WNK1: variants seen among roughly 807,000 people sequenced by gnomAD.
The protein encoded by WNK1 is serine/threonine-protein kinase WNK1.
WNK1 carries 38 observed loss-of-function variants against 222.8 expected under a neutral mutation model. The ratio of observed to expected loss-of-function variants is 0.17; its 90% CI spans 0.13 to 0.22. WNK1 has a LOEUF of 0.22. Among genes scored for constraint, WNK1 ranks in the 10% least tolerant of loss-of-function variants. WNK1 has a pLI of 1.00. For synonymous variants in WNK1, 1,090 were observed against 1,092.9 expected, an observed-to-expected ratio of 1.00 and a Z score of 0.05; for missense variants, 2,348 against 2,918.4, an observed-to-expected ratio of 0.80 and a Z score of 4.50.
chr12:902,310 AGAAAC>A (rs1272498592), intron 26 of WNK1, among the ~76,000 whole-genome samples: 3 of 152,170 alleles, frequency 2.0e-5, no homozygotes, highest in East Asian at 3.8e-4. Context: ...CTCAAAAAAA[AGAAAC>A]GAAATGAAGA....
At chr12:862,865 G>A (rs758230143) in intron 8 of WNK1, among the ~76,000 whole-genome samples, 1 of 152,016 alleles carries the variant, frequency 6.6e-6, no homozygotes, top group Non-Finnish European at 1.5e-5. Context: ...CCTTTAGTTG[G>A]TAACTGTTTT....
intron 26 of WNK1, chr12:906,379 A>G (rs1565620905): frequency 2.0e-6 from 2 of 985,292 alleles, no homozygotes; most frequent in South Asian, 9.4e-5. Context: ...ATCAAACCGC[A>G]GAAATAGAGT....
chr12:841,287 C>G (rs1257337931), intron 4 of WNK1, among the ~76,000 whole-genome samples: 2 of 152,130 alleles, frequency 1.3e-5, no homozygotes, highest in Non-Finnish European at 2.9e-5. Context: ...CATCCCCTAG[C>G]GACCACTAAT....
rs1952811183 is a variant in WNK1, at chr12:878,351, C to T, written c.2363C>T (p.Ala788Val). 6.2e-7 allele frequency: 1 copy of T among 1,607,014 alleles called. No individual in the cohort carries two copies. The highest frequency in any genetic ancestry group is 1.4e-5 in the African/African-American group (1 of 73,264). The stretch of plus-strand genomic sequence containing the variant: ...CCACAAGTCTTGCCTCAAGTATCAG[C>T]TGGAAAACAGGTAAACTTTTTTTTT... ...QAPQVLPQVSAGKQLPVSQPV... is the reference protein window; with the variant it reads ...QAPQVLPQVSVGKQLPVSQPV... Residue 788 changes from alanine (A) to valine (V), a missense_variant, in exon 10 of 28, where the codon GCT becomes GTT. By Grantham distance (64) the Ala-to-Val change is moderately conservative. Transcript: ENST00000315939.
intron 4 of WNK1, among the ~76,000 whole-genome samples, chr12:839,171 A>G (rs1208984654): frequency 2.6e-5 from 4 of 152,170 alleles, no homozygotes; most frequent in Admixed American, 1.3e-4. Flanking sequence ...AAAGACTAAG[A>G]TAGTGTTATA....
intron 4 of WNK1, among the ~76,000 whole-genome samples, chr12:831,202 A>C (rs1565490401): frequency 6.6e-6 from 1 of 152,170 alleles, no homozygotes; most frequent in Non-Finnish European, 1.5e-5. Flanking sequence ...GATACTGCAC[A>C]TATGATATTG....
intron 26 of WNK1, among the ~76,000 whole-genome samples, chr12:907,125 C>G (rs896865483): frequency 2.7e-5 from 4 of 150,654 alleles, no homozygotes; most frequent in Non-Finnish European, 4.4e-5. Context: ...TTCTTGAGAC[C>G]AGCCTGGCCA....
rs558422344 is a variant in WNK1, at chr12:856,576, T to A, written c.1312-585T>A. Reference sequence around the variant, plus strand: ...GTAATGAGTTTTCTTCTGAGATTAATTGCAGAGCTTGTCTTTCGTATGGGT... The same window carrying A: ...GTAATGAGTTTTCTTCTGAGATTAAATGCAGAGCTTGTCTTTCGTATGGGT... On this transcript the variant is annotated intron_variant, in intron 4 of 27. Transcript: ENST00000315939. Among the ~76,000 whole-genome samples the A allele has an allele frequency of 3.6e-4, 55 of 152,352 alleles. 1 individual carries two copies. In the South Asian group the frequency reaches 0.01, roughly 29 times the overall value.
At chr12:856,833 T>C (rs1387116190) in intron 4 of WNK1, among the ~76,000 whole-genome samples, 2 of 152,260 alleles carry the variant, frequency 1.3e-5, no homozygotes, top group African/African-American at 4.8e-5. Context: ...GAACAAAAGA[T>C]CTTCTAACCA....
chr12:771,006 T>G (rs1427899820), intron 1 of WNK1, among the ~76,000 whole-genome samples: 1 of 152,204 alleles, frequency 6.6e-6, no homozygotes, highest in Non-Finnish European at 1.5e-5. Context: ...TATTTTCTTT[T>G]TTTTTGGAGA....
intron 9 of WNK1, among the ~76,000 whole-genome samples, chr12:874,045 A>G (rs1185391090): frequency 6.6e-6 from 1 of 151,880 alleles, no homozygotes; most frequent in Non-Finnish European, 1.5e-5. Context: ...AGTGCCAGCT[A>G]CTTGGAAGGC....
In WNK1 at chr12:909,434, G is replaced by A. The variant is rs886048810; in HGVS notation, c.*642G>A. The A allele has an allele frequency of 3.9e-5, 6 of 152,174 alleles. No homozygotes were observed. Among genetic ancestry groups the A allele is most frequent in the Non-Finnish European group, 8.8e-5 (6 of 68,174 alleles). The allele number at this position is 152,174 out of a possible 1,614,324, so 9.4% of individuals were successfully genotyped here. On this transcript the variant is annotated 3_prime_UTR_variant, in exon 28 of 28. Coordinates refer to ENST00000315939, the MANE Select transcript of WNK1 (RefSeq NM_018979.4). ...AAAAAAAAAAAATTAAGTTCCCTGC[G>A]GACATGTAACTTTGCCATCAGTTTT...
chr12:884,160 C>T lies in WNK1; in HGVS notation c.3761C>T (p.Ala1254Val), dbSNP rs2154083525. The change falls in exon 18 of 28, where the codon GCG (alanine) becomes GTG (valine). Residue 1254 changes from alanine to valine, a missense_variant. Ala to Val is a moderately conservative substitution (Grantham distance 64, BLOSUM62 0). This residue lies in a region of WNK1 where 1,144 missense variants were observed against 1,273.6 expected (regional missense o/e 0.90). Coordinates refer to ENST00000315939, the MANE Select transcript of WNK1 (RefSeq NM_018979.4). This position sits in a 1 kb window ranked among gnomAD's most constrained non-coding sequence, Gnocchi z 5.6. Reference protein sequence around the residue: ...TSSLTQVVHSAGRRFIVSPVP... With the variant: ...TSSLTQVVHSVGRRFIVSPVP... ...TCTTTAACTCAAGTTGTTCATTCTG[C>T]GGGAAGGCGGTTTATAGTGAGTCCT... The T allele has an allele frequency of 6.2e-7, 1 of 1,614,086 alleles. No homozygotes were observed. Among genetic ancestry groups the T allele is most frequent in the Non-Finnish European group, 8.5e-7 (1 of 1,180,010 alleles).
intron 4 of WNK1, among the ~76,000 whole-genome samples, chr12:853,720 A>G (rs1356487928): frequency 6.6e-6 from 1 of 152,228 alleles, no homozygotes; most frequent in Admixed American, 6.5e-5. Context: ...TAGGCTACAT[A>G]CATTCCCTTG....
chr12:794,330 A>G (rs1320216505), intron 1 of WNK1, among the ~76,000 whole-genome samples: 2 of 152,158 alleles, frequency 1.3e-5, no homozygotes, highest in African/African-American at 4.8e-5. Context: ...AAGGAACTGC[A>G]AACCTGTTTT....
intron 4 of WNK1, chr12:851,651 C>T (rs1443257371): frequency 7.7e-7 from 1 of 1,293,126 alleles, no homozygotes; most frequent in Admixed American, 2.3e-5. Flanking sequence ...GACATTTTTT[C>T]CTTCATTTTC....
intron 1 of WNK1, among the ~76,000 whole-genome samples, chr12:772,573 T>C (rs973626501): frequency 8.5e-5 from 13 of 152,128 alleles, no homozygotes; most frequent in African/African-American, 2.9e-4. Flanking sequence ...ATTTACCTTA[T>C]AGAAAAACCA....
chr12:836,187 A>G (rs954770360), intron 4 of WNK1, among the ~76,000 whole-genome samples: 6 of 152,198 alleles, frequency 3.9e-5, no homozygotes, highest in African/African-American at 1.4e-4. Context: ...CTGAGGGGAA[A>G]AATAACAAAA....
Position 880,817 on chromosome 12 carries a change from T to A in WNK1, c.2929T>A (p.Ser977Thr). 6.2e-7 allele frequency: 1 copy of A among 1,613,974 alleles called. No individual in the cohort carries two copies. Among genetic ancestry groups the A allele is most frequent in the Non-Finnish European group, 8.5e-7 (1 of 1,179,988 alleles). Residue 977 changes from serine to threonine, a missense_variant, in exon 12 of 28, where the codon TCC (serine) becomes ACC (threonine). This residue lies in a region of WNK1 where 547 missense variants were observed against 558.3 expected (regional missense o/e 0.98). Coordinates refer to ENST00000315939, the MANE Select transcript of WNK1 (RefSeq NM_018979.4). Reference sequence around the variant, plus strand: ...TGTTTGCATCCATTCTACAGTCCTATCCCCTCCCATGCCGACAGAAGTACT... The same window carrying A: ...TGTTTGCATCCATTCTACAGTCCTAACCCCTCCCATGCCGACAGAAGTACT... ...ASVCIHSTVL[S>T]PPMPTEVLAT...
Sources: allele counts gnomAD v4.1 joint callset (sites outside exome capture counted in the v4.1 genomes callset), GRCh38; gene constraint gnomAD v4.1.1; regional missense constraint gnomAD v4.1.1; non-coding constraint Gnocchi (gnomAD v3.1); transcripts MANE v1.5; gene names NCBI Gene and HGNC (gene_info 2026-07-23, HGNC 2026-07-21).